Variants in DOCK6 observed in about 807,000 individuals in gnomAD.
DOCK6 encodes dedicator of cytokinesis protein 6.
DOCK6 carries 167 observed loss-of-function variants against 230.3 expected under a neutral mutation model. That is an observed-to-expected ratio of 0.73 (90% CI 0.64 to 0.82). DOCK6 has a LOEUF of 0.82. Ranked by LOEUF, DOCK6 falls within the 40% of genes least tolerant of loss-of-function variation. The pLI, the probability that DOCK6 is intolerant of heterozygous loss-of-function variation, is 0.00. For synonymous variants in DOCK6, 1,148 were observed against 1,185.0 expected (o/e 0.97, Z 0.64); for missense variants, 2,598 against 2,825.8 (o/e 0.92, Z 1.83).
chr19:11,251,117 G>A (rs1027411997), intron 5 of DOCK6, 31 bp from the exon 6 acceptor site: 3 of 1,582,106 alleles, frequency 1.9e-6, no homozygotes, highest in Non-Finnish European at 2.6e-6. Flanking sequence ...AGCACTGAGT[G>A]CCAGCTGTAT....
chr19:11,243,478 C>T lies in DOCK6; in HGVS notation c.1258+79G>A. On this transcript the variant is annotated intron_variant, in intron 11 of 47. Coordinates refer to ENST00000294618, the MANE Select transcript of DOCK6 (RefSeq NM_020812.4). This position sits in a 1 kb window ranked among gnomAD's most constrained non-coding sequence, Gnocchi z 6.3. ...GTTCGGCCAGCAGAGGGCGCACCCC[C>T]TCGCCCCGTAGCCCCGCCCCAGGCC... 6.5e-7 allele frequency: 1 copy of T among 1,545,206 alleles called. No individual in the cohort carries two copies. Among genetic ancestry groups the T allele is most frequent in the Non-Finnish European group, 8.7e-7 (1 of 1,146,090 alleles).
chr19:11,253,566 C>G, intron 2 of DOCK6, 73 bp downstream of exon 2: 1 of 1,048,686 alleles, frequency 9.5e-7, no homozygotes. Flanking sequence ...TGGGATAGAA[C>G]CTAGGCCAAG....
rs1484010923 is a variant in DOCK6, at chr19:11,243,036, T to G, written c.1480+23A>C. The G allele has an allele frequency of 3.7e-6, 6 of 1,613,150 alleles. No individual in the cohort carries two copies. Among genetic ancestry groups the G allele is most frequent in the Non-Finnish European group, 5.1e-6 (6 of 1,179,684 alleles). On this transcript the variant is annotated intron_variant, in intron 13 of 47. Coordinates refer to ENST00000294618, the MANE Select transcript of DOCK6 (RefSeq NM_020812.4). The surrounding 1 kb of genome is among the most constrained non-coding windows in gnomAD (Gnocchi z 6.3). ...GTGGCTGAGTGAGAGTGATACTTCT[T>G]GTGTATGGGGTGTGCCACGCACCAG...
chr19:11,245,214 A>G (rs962721435), intron 9 of DOCK6, among the ~76,000 whole-genome samples: 1 of 152,210 alleles, frequency 6.6e-6, no homozygotes, highest in Non-Finnish European at 1.5e-5. Flanking sequence ...CCCTCCCAGA[A>G]ACAGAAAATC....
At chr19:11,211,918 A>C in intron 36 of DOCK6, 42 bp from the exon 37 acceptor site, 4 of 1,564,186 alleles carry the variant, frequency 2.6e-6, no homozygotes, top group Non-Finnish European at 3.5e-6. Context: ...GAGCATTAGG[A>C]AGTGAAGGGA....
chr19:11,251,870 C>T (rs1309804115), intron 5 of DOCK6: 8 of 535,404 alleles, frequency 1.5e-5, no homozygotes, highest in Non-Finnish European at 2.6e-5. Context: ...CCTCAGTTTC[C>T]TTACCTGGGT....
chr19:11,201,170 G>A lies in DOCK6; in HGVS notation c.5689-118C>T. On this transcript the variant is annotated intron_variant, in intron 44 of 47. Transcript: ENST00000294618. The surrounding 1 kb of genome is among the most constrained non-coding windows in gnomAD (Gnocchi z 4.3). ...AGAGGGGTCCAAGAACCCAGGCAAT[G>A]AACAGAATCTGGGGGCCTTCCTGGG... 7.6e-7 allele frequency: 1 copy of A among 1,319,090 alleles called. No homozygotes were observed. Among genetic ancestry groups the A allele is most frequent in the Non-Finnish European group, 1.0e-6 (1 of 957,962 alleles). The allele number at this position is 1,319,090 out of a possible 1,614,324, so 81.7% of individuals were successfully genotyped here.
At chr19:11,248,837 A>G (rs533517346) in intron 6 of DOCK6, among the ~76,000 whole-genome samples, 1 of 152,326 alleles carries the variant, frequency 6.6e-6, no homozygotes, top group East Asian at 1.9e-4. Context: ...GTACCCAAAC[A>G]TGTTAGTCGA....
chr19:11,222,358 G>T lies in DOCK6; in HGVS notation c.3241-110C>A. ...AGAAATCATGGTGCCAATAGCCACA[G>T]ATGAAAGACTGATGTTAAGTCATCT... On this transcript the variant is annotated intron_variant, in intron 26 of 47. Transcript: ENST00000294618. This position sits in a 1 kb window ranked among gnomAD's most constrained non-coding sequence, Gnocchi z 4.0. The T allele has an allele frequency of 7.1e-7, 1 of 1,409,366 alleles. No individual in the cohort carries two copies. The highest frequency in any genetic ancestry group is 9.6e-7 in the Non-Finnish European group (1 of 1,040,384). 87.3% of individuals were successfully genotyped at this position (1,409,366 alleles called of 1,614,324 possible).
chr19:11,203,788 A>T (rs2079210464), intron 41 of DOCK6: 1 of 544,366 alleles, frequency 1.8e-6, no homozygotes, highest in East Asian at 3.1e-5. Flanking sequence ...GGGAGTCAAG[A>T]GTCACCCCGC....
chr19:11,257,482 T>TAAAAAA (rs35933920), intron 1 of DOCK6, among the ~76,000 whole-genome samples: 1 of 78,620 alleles, frequency 1.3e-5, no homozygotes, highest in South Asian at 6.9e-4. Flanking sequence ...CACTGTCTCT[T>TAAAAAA]AAAAAAAAAA....
chr19:11,223,377 A>G lies in DOCK6; in HGVS notation c.2956-271T>C, dbSNP rs578190349. Among the ~76,000 whole-genome samples, 24 of 152,250 alleles carry G rather than the reference A, an allele frequency of 1.6e-4. No individual in the cohort carries two copies. In the South Asian group the frequency reaches 4.4e-3, roughly 28 times the overall value. On this transcript the variant is annotated intron_variant, in intron 24 of 47. Transcript: ENST00000294618. Reference sequence around the variant, plus strand: ...CAGAGTTCAGAGCTGGGGAGAGACTATATTTCCCAGCCTCCCTTCCAGTTG... The same window carrying G: ...CAGAGTTCAGAGCTGGGGAGAGACTGTATTTCCCAGCCTCCCTTCCAGTTG...
intron 47 of DOCK6, among the ~76,000 whole-genome samples, 181 bp from the exon 48 acceptor site, chr19:11,199,720 A>G (rs1223665768): frequency 6.6e-6 from 1 of 152,220 alleles, no homozygotes; most frequent in Non-Finnish European, 1.5e-5. Context: ...CACGGAAGGT[A>G]TGAATCATCC....
chr19:11,200,930 A>G lies in DOCK6; in HGVS notation c.5811T>C (p.Ser1937=), dbSNP rs2147690866. 3.1e-6 allele frequency: 5 copies of G among 1,613,910 alleles called. No homozygotes were observed. In the Middle Eastern group the frequency reaches 4.9e-4, roughly 160 times the overall value. ...AKMLQMVLQG[S]VGPTVNQGPL... ...GTGCCTGGTTCACGGTGGGCCCTAC[A>G]GAGCCCTGAAGCACCATCTGTAGCA... Residue 1937 remains serine, a synonymous_variant, in exon 45 of 48, where the codon TCT becomes TCC. Coordinates refer to ENST00000294618, the MANE Select transcript of DOCK6 (RefSeq NM_020812.4). This position sits in a 1 kb window ranked among gnomAD's most constrained non-coding sequence, Gnocchi z 4.3.
intron 9 of DOCK6, among the ~76,000 whole-genome samples, chr19:11,244,448 T>C (rs1429948825): frequency 1.0e-4 from 12 of 114,732 alleles, no homozygotes; most frequent in Admixed American, 9.5e-4. Context: ...CCACCACACC[T>C]GGCTTTTTTT....
chr19:11,245,199 G>C (rs2080013200), intron 9 of DOCK6, among the ~76,000 whole-genome samples: 2 of 152,092 alleles, frequency 1.3e-5, no homozygotes, highest in Admixed American at 1.3e-4. Flanking sequence ...AAAGAAATTT[G>C]ACCTCCCTCC....
Position 11,236,295 on chromosome 19 carries a change from T to G in DOCK6, c.2392+51A>C. On this transcript the variant is annotated intron_variant, in intron 20 of 47. Transcript: ENST00000294618. The surrounding 1 kb of genome is among the most constrained non-coding windows in gnomAD (Gnocchi z 5.2). The stretch of plus-strand genomic sequence containing the variant: ...AGAAGATCCCTCAGGACCTCAGGAC[T>G]GAGAAGCCATGTGGATGGGGAAACT... 9 of 1,485,686 alleles carry G rather than the reference T, an allele frequency of 6.1e-6. No homozygotes were observed. Among genetic ancestry groups the G allele is most frequent in the Non-Finnish European group, 8.2e-6 (9 of 1,097,486 alleles). The allele number at this position is 1,485,686 out of a possible 1,614,324, so 92.0% of individuals were successfully genotyped here. A position where few individuals can be genotyped will look rare whatever the true frequency, so the allele number is the denominator to read the frequency against.
chr19:11,234,977 C>G (rs1026725704), intron 21 of DOCK6, among the ~76,000 whole-genome samples: 1 of 151,538 alleles, frequency 6.6e-6, no homozygotes, highest in African/African-American at 2.4e-5. Flanking sequence ...GGGTCTTGCT[C>G]TGTTGCCCAG....
Position 11,242,099 on chromosome 19 carries a change from T to C in DOCK6, c.1589A>G (p.Lys530Arg). The C allele has an allele frequency of 6.5e-7, 1 of 1,528,014 alleles. No homozygotes were observed. The highest frequency in any genetic ancestry group is 8.8e-7 in the Non-Finnish European group (1 of 1,141,370). The allele number at this position is 1,528,014 out of a possible 1,614,324, so 94.7% of individuals were successfully genotyped here. A position where few individuals can be genotyped will look rare whatever the true frequency, so the allele number is the denominator to read the frequency against. Residue 530 changes from lysine to arginine, a missense_variant, in exon 14 of 48, where the codon AAG (lysine) becomes AGG (arginine). Lys to Arg is a conservative substitution (Grantham distance 26). Transcript: ENST00000294618. The part of the protein sequence containing the change: ...PYPDPRGRPT[K>R]EILEFPAREV... ...GCGGGCGGGGAACTCCAGAATCTCC[T>C]TGGTGGGCCGGCCCCTGGGGTCCGG...
Sources: gnomAD v4.1 joint callset for allele counts (sites outside exome capture counted in the v4.1 genomes callset) on GRCh38, gnomAD v4.1.1 for gene constraint, Gnocchi (gnomAD v3.1) non-coding constraint, MANE v1.5 for transcripts, NCBI Gene and HGNC (gene_info 2026-07-23, HGNC 2026-07-21) for gene names.